The following AKT3 variants were observed in gnomAD, a reference collection of about 807,000 sequenced individuals.
The protein encoded by AKT3 is AKT serine/threonine kinase 3.
AKT3 carries 15 observed loss-of-function variants against 65.3 expected under a neutral mutation model. The observed-to-expected ratio is 0.23, with a 90% CI of 0.15 to 0.35. The LOEUF (loss-of-function observed/expected upper bound fraction) is 0.35, where lower values mean the gene tolerates loss of function less well. Ranked by LOEUF, AKT3 falls within the 10% of genes least tolerant of loss-of-function variation. AKT3 has a pLI of 1.00. For missense variants in AKT3, 243 were observed against 576.5 expected, an observed-to-expected ratio of 0.42 and a Z score of 5.92; for synonymous variants, 206 against 183.8, an observed-to-expected ratio of 1.12 and a Z score of -0.98.
chr1:243,723,550 A>G (rs1002391903), intron 2 of AKT3, among the ~76,000 whole-genome samples: 2 of 152,206 alleles, frequency 1.3e-5, no homozygotes, highest in Admixed American at 1.3e-4. Flanking sequence ...ACTCAAAGCC[A>G]TTACCTCACC....
chr1:243,785,943 G>A (rs560021661), intron 2 of AKT3, among the ~76,000 whole-genome samples: 16 of 152,304 alleles, frequency 1.1e-4, no homozygotes, highest in African/African-American at 3.4e-4. Context: ...AAAGTACAGT[G>A]GCCTTAACCA....
chr1:243,590,899 T>C (rs1010661834), intron 8 of AKT3, among the ~76,000 whole-genome samples: 3 of 152,158 alleles, frequency 2.0e-5, no homozygotes, highest in Non-Finnish European at 2.9e-5. Context: ...AGATCTACAG[T>C]TGCCCAGGAG....
At chr1:243,579,783 T>C (rs1174195036) in intron 8 of AKT3, among the ~76,000 whole-genome samples, 2 of 152,192 alleles carry the variant, frequency 1.3e-5, no homozygotes, top group African/African-American at 4.8e-5. Context: ...CAGGTTATTT[T>C]AGGTTATAAA....
intron 2 of AKT3, among the ~76,000 whole-genome samples, chr1:243,721,303 A>AAG (rs1686886721): frequency 6.6e-6 from 1 of 152,098 alleles, no homozygotes; most frequent in Non-Finnish European, 1.5e-5. Context: ...GAAACATTAC[A>AAG]AGAGAGAGGC....
chr1:243,667,976 C>T (rs1204118314), intron 3 of AKT3, among the ~76,000 whole-genome samples: 3 of 152,196 alleles, frequency 2.0e-5, no homozygotes, highest in Admixed American at 2.0e-4. Context: ...TTTAATACTG[C>T]AATCTGCACC....
At chr1:243,550,107 A>G (rs754304447) in intron 11 of AKT3, among the ~76,000 whole-genome samples, 3 of 152,194 alleles carry the variant, frequency 2.0e-5, no homozygotes, top group Non-Finnish European at 4.4e-5. Flanking sequence ...CCCTAGACAA[A>G]GCCAATAATT....
chr1:243,839,031 T>C (rs1695072405), intron 2 of AKT3, among the ~76,000 whole-genome samples: 1 of 152,184 alleles, frequency 6.6e-6, no homozygotes, highest in African/African-American at 2.4e-5. Flanking sequence ...TAGTTATACA[T>C]TATATTTTAA....
intron 3 of AKT3, among the ~76,000 whole-genome samples, chr1:243,668,845 G>A (rs1682978791): frequency 6.6e-6 from 1 of 152,132 alleles, no homozygotes; most frequent in South Asian, 2.1e-4. Context: ...GGGTATGGAG[G>A]AAAGTGAGAA....
At chr1:243,803,877 C>G (rs1441982585) in intron 2 of AKT3, among the ~76,000 whole-genome samples, 1 of 152,198 alleles carries the variant, frequency 6.6e-6, no homozygotes, top group Non-Finnish European at 1.5e-5. Flanking sequence ...AGGAGGAACA[C>G]AGAGTCACCT....
At chr1:243,800,033 T>C (rs1195091852) in intron 2 of AKT3, among the ~76,000 whole-genome samples, 2 of 152,212 alleles carry the variant, frequency 1.3e-5, no homozygotes, top group African/African-American at 4.8e-5. Flanking sequence ...CAAGTTTCTA[T>C]TTCCTTTACT....
chr1:243,803,689 C>T (rs1380561444), intron 2 of AKT3, among the ~76,000 whole-genome samples: 2 of 114,242 alleles, frequency 1.8e-5, no homozygotes, highest in Non-Finnish European at 3.7e-5. Flanking sequence ...CACACACACA[C>T]ACATAAGACT....
At chr1:243,547,107 C>CA (rs1250722547) in intron 11 of AKT3, 2 of 152,108 alleles carry the variant, frequency 1.3e-5, no homozygotes, top group Non-Finnish European at 2.9e-5. Context: ...ACAGTAAGTG[C>CA]AGCCCCAACT....
chr1:243,702,247 G>A (rs573313088), intron 2 of AKT3, among the ~76,000 whole-genome samples: 5 of 151,968 alleles, frequency 3.3e-5, no homozygotes, highest in South Asian at 2.1e-4. Flanking sequence ...TGATCAATAC[G>A]AGGTCAACAA....
chr1:243,673,923 A>G (rs1202548611), intron 3 of AKT3, among the ~76,000 whole-genome samples: 4 of 152,142 alleles, frequency 2.6e-5, no homozygotes, highest in Non-Finnish European at 5.9e-5. Flanking sequence ...TATTTTTAAG[A>G]AAAGCTATTT....
intron 6 of AKT3, among the ~76,000 whole-genome samples, chr1:243,629,344 AATC>A (rs1349166659): frequency 6.6e-6 from 1 of 152,198 alleles, no homozygotes; most frequent in African/African-American, 2.4e-5. Flanking sequence ...GCTCTATGAG[AATC>A]ATTATGGGAA....
intron 3 of AKT3, among the ~76,000 whole-genome samples, chr1:243,676,803 C>T (rs1453009467): frequency 6.6e-6 from 1 of 152,110 alleles, no homozygotes; most frequent in Admixed American, 6.5e-5. Context: ...TTTTTGTCCA[C>T]TGCTGACACC....
At chr1:243,698,354 G>GA (rs1685190457) in intron 2 of AKT3, among the ~76,000 whole-genome samples, 1 of 151,784 alleles carries the variant, frequency 6.6e-6, no homozygotes, top group South Asian at 2.1e-4. Context: ...AGAAAACACG[G>GA]AATAACACCA....
chr1:243,665,159 T>C lies in AKT3; in HGVS notation c.173-276A>G, dbSNP rs559800815. Among the ~76,000 whole-genome samples the C allele has an allele frequency of 3.3e-5, 5 of 152,342 alleles. No individual in the cohort carries two copies. The East Asian group carries it at 5.8e-4, about 18-fold the overall frequency. ...ATTTATGCCTTTGCTCCAGCTGTTC[T>C]TGCTATCTGAAATACTTTCCTCACT... On this transcript the variant is annotated intron_variant, in intron 3 of 13. Transcript: ENST00000673466.
intron 4 of AKT3, among the ~76,000 whole-genome samples, chr1:243,659,986 T>A (rs1037596019): frequency 4.6e-5 from 7 of 152,116 alleles, no homozygotes; most frequent in South Asian, 2.1e-4. Context: ...AGGATGATGC[T>A]GGCCTCATAA....
Sources: allele counts gnomAD v4.1 joint callset (sites outside exome capture counted in the v4.1 genomes callset), GRCh38; gene constraint gnomAD v4.1.1; transcripts MANE v1.5; gene names NCBI Gene and HGNC (gene_info 2026-07-23, HGNC 2026-07-21).